Variants in WDR11 observed in about 807,000 individuals in gnomAD.
WDR11 encodes the protein WD repeat domain 11.
In WDR11, 83 loss-of-function variants were observed where a neutral mutation model predicts 151.2. The ratio of observed to expected loss-of-function variants is 0.55; its 90% CI spans 0.46 to 0.66. The LOEUF (loss-of-function observed/expected upper bound fraction) is 0.66, where lower values mean the gene tolerates loss of function less well. WDR11 is among the 30% of genes least tolerant of loss of function. WDR11 has a pLI of 0.00. For missense variants in WDR11, 1,301 were observed against 1,480.9 expected, an observed-to-expected ratio of 0.88 and a Z score of 1.99; for synonymous variants, 484 against 533.1, an observed-to-expected ratio of 0.91 and a Z score of 1.27.
intron 11 of WDR11, among the ~76,000 whole-genome samples, chr10:120,875,047 T>C (rs1324111474): frequency 6.6e-6 from 1 of 152,020 alleles, no homozygotes; most frequent in African/African-American, 2.4e-5. Flanking sequence ...CTCCCACTTA[T>C]GAGTGAGAAC....
chr10:120,866,720 A>G lies in WDR11; in HGVS notation c.1146A>G (p.Ile382Met), dbSNP rs372287536. ...TAGTGAGTGATGGCAGGGTCATGATATGGGAACTCAAGTCTGCAGTTTGTA... is the reference window on the plus strand; with the variant it reads ...TAGTGAGTGATGGCAGGGTCATGATGTGGGAACTCAAGTCTGCAGTTTGTA... ...ALVVSDGRVMIWELKSAVCNR... is the reference protein window; with the variant it reads ...ALVVSDGRVMMWELKSAVCNR... Residue 382 changes from isoleucine to methionine, a missense_variant, in exon 8 of 29, where the codon ATA (isoleucine) becomes ATG (methionine). This residue lies in a region of WDR11 where 692 missense variants were observed against 762.5 expected (regional missense o/e 0.91). Transcript: ENST00000263461. 5 of 1,614,068 alleles carry G rather than the reference A, an allele frequency of 3.1e-6. No individual in the cohort carries two copies. The highest frequency in any genetic ancestry group is 4.2e-6 in the Non-Finnish European group (5 of 1,180,038).
At chr10:120,894,860 TCTC>T (rs1321530941) in intron 19 of WDR11, among the ~76,000 whole-genome samples, 1 of 152,198 alleles carries the variant, frequency 6.6e-6, no homozygotes, top group Non-Finnish European at 1.5e-5. Context: ...TGTGAGATGA[TCTC>T]CTATTACTTT....
At chr10:120,892,045 G>C (rs944833902) in intron 19 of WDR11, among the ~76,000 whole-genome samples, 1 of 152,092 alleles carries the variant, frequency 6.6e-6, no homozygotes, top group African/African-American at 2.4e-5. Flanking sequence ...CTTCAAGGGT[G>C]GTTTTTGAAA....
chr10:120,883,125 C>A (rs571170271), intron 13 of WDR11, among the ~76,000 whole-genome samples: 127 of 152,168 alleles, frequency 8.3e-4, no homozygotes, highest in African/African-American at 2.9e-3. Context: ...TAAATTTCTA[C>A]TTTCTGTTGG....
intron 19 of WDR11, among the ~76,000 whole-genome samples, chr10:120,895,083 A>G: frequency 6.6e-6 from 1 of 152,158 alleles, no homozygotes; most frequent in Non-Finnish European, 1.5e-5. Flanking sequence ...GCATGATGTA[A>G]ACACTCGATG....
intron 13 of WDR11, among the ~76,000 whole-genome samples, chr10:120,881,161 T>C (rs1653507670): frequency 6.6e-6 from 1 of 152,240 alleles, no homozygotes; most frequent in Non-Finnish European, 1.5e-5. Context: ...TATGTACTTC[T>C]ATCTAAGCAT....
At chr10:120,903,946 C>T in intron 23 of WDR11, 101 bp from the exon 24 acceptor site, 3 of 792,106 alleles carry the variant, frequency 3.8e-6, no homozygotes, top group Non-Finnish European at 6.2e-6. Flanking sequence ...CCTGAAAAGT[C>T]AAAGTAGTTT....
rs1847365128 is a variant in WDR11 at position 120,889,958 on chromosome 10, A to G, written c.2292A>G (p.Gln764=). ...KIRFAPGKGN[Q]KLIAMYNDGA... ...GTTTTGCTCCTGGTAAAGGAAATCA[A>G]AAATTAATAGCAATGTACAATGATG... Residue 764 remains glutamine, a synonymous_variant, in exon 18 of 29, where the codon CAA becomes CAG. Coordinates refer to ENST00000263461, the MANE Select transcript of WDR11 (RefSeq NM_018117.12). 1 of 1,614,130 alleles carries G rather than the reference A, an allele frequency of 6.2e-7. No homozygotes were observed. Among genetic ancestry groups the G allele is most frequent in the East Asian group, 2.2e-5 (1 of 44,880 alleles).
At chr10:120,881,487 T>C (rs1847004233) in intron 13 of WDR11, among the ~76,000 whole-genome samples, 1 of 135,030 alleles carries the variant, frequency 7.4e-6, no homozygotes. Flanking sequence ...AGGGGAAGAA[T>C]TGGTATCTTA....
chr10:120,890,757 C>G lies in WDR11; in HGVS notation c.2385C>G (p.Thr795=). 6.2e-7 allele frequency: 1 copy of G among 1,614,082 alleles called. No homozygotes were observed. ...VSSLRSGRNV[T]FRILDVDWCT... ...GTTTAAGAAGTGGCAGAAATGTGACCTTTCGTATATTGGATGTGGACTGGT... is the reference window on the plus strand; with the variant it reads ...GTTTAAGAAGTGGCAGAAATGTGACGTTTCGTATATTGGATGTGGACTGGT... The change falls in exon 19 of 29, where the codon ACC becomes ACG. Residue 795 remains threonine (T), a synonymous_variant. Coordinates refer to ENST00000263461, the MANE Select transcript of WDR11 (RefSeq NM_018117.12).
intron 18 of WDR11, 135 bp from the exon 19 acceptor site, chr10:120,890,581 T>C (rs1007957323): frequency 1.1e-6 from 1 of 950,644 alleles, no homozygotes; most frequent in Non-Finnish European, 1.7e-6. Flanking sequence ...TTGTGGAAGA[T>C]AGATTGCCAG....
chr10:120,881,266 C>T (rs1846997366), intron 13 of WDR11, among the ~76,000 whole-genome samples: 2 of 152,016 alleles, frequency 1.3e-5, no homozygotes, highest in Non-Finnish European at 2.9e-5. Context: ...GGGAAAATAA[C>T]ATGTAAAGCA....
At chr10:120,886,955 TAAGGAG>T in intron 16 of WDR11, 119 bp downstream of exon 16, 4 of 1,073,870 alleles carry the variant, frequency 3.7e-6, no homozygotes, top group Non-Finnish European at 5.5e-6. Flanking sequence ...AAACTTTATT[TAAGGAG>T]ATATTATCGA....
intron 19 of WDR11, among the ~76,000 whole-genome samples, chr10:120,896,912 A>C (rs1045498027): frequency 6.6e-6 from 1 of 152,204 alleles, no homozygotes; most frequent in Admixed American, 6.5e-5. Context: ...GTGAGCGCAC[A>C]TAGCACCCAG....
chr10:120,874,598 C>G (rs1846690774), intron 11 of WDR11, among the ~76,000 whole-genome samples: 1 of 151,884 alleles, frequency 6.6e-6, no homozygotes, highest in African/African-American at 2.4e-5. Context: ...TGTGTTGTTC[C>G]CCTCCCTGTG....
In WDR11 at chr10:120,883,867, C is replaced by T. The variant is rs764541478; in HGVS notation, c.1827C>T (p.Asn609=). 1.8e-5 allele frequency: 29 copies of T among 1,612,998 alleles called. No individual in the cohort carries two copies. Among genetic ancestry groups the T allele is most frequent in the Non-Finnish European group, 2.0e-5 (24 of 1,179,354 alleles). ...TCTLLREMSK[N]FPTITALEWS... is the part of the protein sequence containing the mutation. Reference sequence around the variant, plus strand: ...CCCTTCTTAGAGAGATGTCCAAAAACTTCCCTACAATAACTGCTTTGGTAA... The same window carrying T: ...CCCTTCTTAGAGAGATGTCCAAAAATTTCCCTACAATAACTGCTTTGGTAA... The change falls in exon 14 of 29, where the codon AAC becomes AAT. Residue 609 remains asparagine, a synonymous_variant. Transcript: ENST00000263461.
rs1381130044 is a variant in WDR11, at chr10:120,908,743, TG to T, written c.*32del. On this transcript the variant is annotated 3_prime_UTR_variant, in exon 29 of 29. Transcript: ENST00000263461. The stretch of plus-strand genomic sequence containing the variant: ...TTAATAAATGCCAGGGAATCTGACC[TG>T]GAAGGCAGATGGGAGGGGGCTGGTC... 1 of 1,613,076 alleles carries T rather than the reference TG, an allele frequency of 6.2e-7. No individual in the cohort carries two copies. The highest frequency in any genetic ancestry group is 2.2e-5 in the East Asian group (1 of 44,874).
chr10:120,868,291 T>TA (rs1846387857), intron 9 of WDR11, among the ~76,000 whole-genome samples: 1 of 151,874 alleles, frequency 6.6e-6, no homozygotes, highest in Admixed American at 6.6e-5. Context: ...CTGTCTCTAC[T>TA]AAAAATATAA....
Position 120,866,717 on chromosome 10 carries a change from G to T in WDR11, c.1143G>T (p.Met381Ile). 6.2e-7 allele frequency: 1 copy of T among 1,614,196 alleles called. No individual in the cohort carries two copies. The highest frequency in any genetic ancestry group is 1.1e-5 in the South Asian group (1 of 91,086). The change falls in exon 8 of 29, where the codon ATG (methionine) becomes ATT (isoleucine). Residue 381 changes from methionine (M) to isoleucine (I), a missense_variant. Physicochemically the swap from Met to Ile is conservative, Grantham distance 10. This residue lies in a region of WDR11 where 692 missense variants were observed against 762.5 expected (regional missense o/e 0.91). Transcript: ENST00000263461. ...AALVVSDGRVMIWELKSAVCN... is the reference protein window; with the variant it reads ...AALVVSDGRVIIWELKSAVCN... ...TCGTAGTGAGTGATGGCAGGGTCAT[G>T]ATATGGGAACTCAAGTCTGCAGTTT...
Sources: allele counts gnomAD v4.1 joint callset (sites outside exome capture counted in the v4.1 genomes callset), GRCh38; gene constraint gnomAD v4.1.1; regional missense constraint gnomAD v4.1.1; transcripts MANE v1.5; gene names NCBI Gene and HGNC (gene_info 2026-07-23, HGNC 2026-07-21).